Variants in PARD3 observed in about 807,000 individuals in gnomAD.
PARD3 encodes the protein par-3 family cell polarity regulator.
Under a neutral mutation model 155.4 loss-of-function variants are expected in PARD3, and 75 were observed. That is an observed-to-expected ratio of 0.48 (90% CI 0.40 to 0.58). The LOEUF (loss-of-function observed/expected upper bound fraction) is 0.58, where lower values mean the gene tolerates loss of function less well. Among genes scored for constraint, PARD3 ranks in the 20% least tolerant of loss-of-function variants. The pLI is 0.00. For missense variants in PARD3, 1,642 were observed against 1,721.7 expected (o/e 0.95, Z 0.82); for synonymous variants, 576 against 610.5 (o/e 0.94, Z 0.83).
intron 4 of PARD3, among the ~76,000 whole-genome samples, chr10:34,462,911 G>A (rs1480370269): frequency 2.8e-5 from 3 of 108,524 alleles, no homozygotes; most frequent in Non-Finnish European, 5.8e-5. Context: ...AGGGGGAGAG[G>A]AGGGGAGAGG....
In PARD3 at chr10:34,111,248, T is replaced by A; in HGVS notation, c.3983A>T (p.Asp1328Val). The A allele has an allele frequency of 6.2e-7, 1 of 1,612,778 alleles. No homozygotes were observed. The highest frequency in any genetic ancestry group is 8.5e-7 in the Non-Finnish European group (1 of 1,178,936). ...YAPPKGPFRQDVPPSPSQVAR... is the reference protein window; with the variant it reads ...YAPPKGPFRQVVPPSPSQVAR... ...AACCTGAGAAGGGGAGGGGGGCACA[T>A]CTTGCCGGAAGGGCCCCTTGGGAGG... Residue 1328 changes from aspartate (D) to valine (V), a missense_variant, in exon 25 of 25, where the codon GAT becomes GTT. Asp to Val is a radical substitution (Grantham distance 152, BLOSUM62 -3). Transcript: ENST00000374788.
chr10:34,432,332 G>GCACACACA (rs1284264665), intron 5 of PARD3, among the ~76,000 whole-genome samples: 3 of 70,910 alleles, frequency 4.2e-5, no homozygotes, highest in East Asian at 3.6e-4. Context: ...ATATACACGT[G>GCACACACA]CACATACACA....
At chr10:34,416,372 A>G (rs1051577530) in intron 5 of PARD3, among the ~76,000 whole-genome samples, 1 of 152,172 alleles carries the variant, frequency 6.6e-6, no homozygotes, top group African/African-American at 2.4e-5. Flanking sequence ...GTGACACTTC[A>G]CACCAACATA....
At chr10:34,292,568 A>G (rs1218592212) in intron 20 of PARD3, among the ~76,000 whole-genome samples, 1 of 152,198 alleles carries the variant, frequency 6.6e-6, no homozygotes, top group Admixed American at 6.5e-5. Flanking sequence ...AAGTTGGTGG[A>G]GTTTGGCAGA....
intron 1 of PARD3, among the ~76,000 whole-genome samples, chr10:34,776,116 C>T (rs946527346): frequency 4.6e-5 from 7 of 152,114 alleles, no homozygotes; most frequent in South Asian, 2.1e-4. Context: ...TGGAAAAGTA[C>T]GAAGCCAATA....
chr10:34,127,841 A>AATGT (rs60437496), intron 23 of PARD3, among the ~76,000 whole-genome samples: 39,273 of 151,960 alleles, frequency 0.26, 5,379 homozygotes, highest in Middle Eastern at 0.38. Context: ...CATAGTTAAG[A>AATGT]ATTTATCACA....
chr10:34,688,196 T>C (rs912289301), intron 2 of PARD3, among the ~76,000 whole-genome samples: 3 of 152,156 alleles, frequency 2.0e-5, no homozygotes, highest in Non-Finnish European at 2.9e-5. Context: ...CTCAGGTGAC[T>C]GGCCTGCGCA....
At chr10:34,284,593 A>G (rs540789793) in intron 20 of PARD3, among the ~76,000 whole-genome samples, 2 of 152,312 alleles carry the variant, frequency 1.3e-5, no homozygotes, top group East Asian at 3.9e-4. Context: ...AGGAAGAAAG[A>G]TCTGCATTGG....
At chr10:34,620,447 A>G (rs1280681705) in intron 2 of PARD3, among the ~76,000 whole-genome samples, 1 of 152,254 alleles carries the variant, frequency 6.6e-6, no homozygotes, top group African/African-American at 2.4e-5. Context: ...AAACCTTAAT[A>G]CATAAAAGAG....
intron 23 of PARD3, among the ~76,000 whole-genome samples, chr10:34,126,094 G>A (rs1412912345): frequency 1.3e-5 from 2 of 152,136 alleles, no homozygotes; most frequent in African/African-American, 4.8e-5. Context: ...TATTTATGTT[G>A]CACCTGGCAC....
intron 1 of PARD3, among the ~76,000 whole-genome samples, chr10:34,811,409 A>G (rs1221142446): frequency 3.3e-5 from 5 of 152,112 alleles, no homozygotes; most frequent in South Asian, 2.1e-4. Flanking sequence ...CTAGACCCCA[A>G]CTGCAGACCT....
chr10:34,222,079 C>G lies in PARD3; in HGVS notation c.3419+47578G>C, dbSNP rs540383102. On this transcript the variant is annotated intron_variant, in intron 22 of 24. Coordinates refer to ENST00000374788, the MANE Select transcript of PARD3 (RefSeq NM_001184785.2). ...ATAAAGATGAAAGGTAAAATTCATG[C>G]TAATGATTTAAAAGTTTATTTTATT... 6.2e-4 allele frequency among the ~76,000 whole-genome samples: 94 copies of G among 152,142 alleles called. 2 individuals carry two copies. The highest frequency in any genetic ancestry group is 6.2e-4 in the Non-Finnish European group (42 of 68,024).
chr10:34,724,996 T>A (rs2094675750), intron 1 of PARD3, among the ~76,000 whole-genome samples: 1 of 152,178 alleles, frequency 6.6e-6, no homozygotes, highest in Non-Finnish European at 1.5e-5. Flanking sequence ...TGGACATAGC[T>A]GGAGCAAATG....
At chr10:34,715,629 C>A (rs570339056) in intron 1 of PARD3, among the ~76,000 whole-genome samples, 1 of 152,194 alleles carries the variant, frequency 6.6e-6, no homozygotes, top group Non-Finnish European at 1.5e-5. Context: ...CCCAGTCCCC[C>A]CAAAGCACTT....
intron 22 of PARD3, among the ~76,000 whole-genome samples, chr10:34,178,399 C>G (rs2799455): frequency 6.6e-6 from 1 of 151,968 alleles, no homozygotes; most frequent in African/African-American, 2.4e-5. Context: ...CACTTTGCAC[C>G]ACAAAGACGG....
chr10:34,410,395 C>A (rs1203386950), intron 5 of PARD3, among the ~76,000 whole-genome samples: 2 of 151,640 alleles, frequency 1.3e-5, no homozygotes, highest in Non-Finnish European at 2.9e-5. Context: ...ATTAAAGAAA[C>A]AATTTTTAAT....
At chr10:34,308,094 T>C (rs1957503138) in intron 20 of PARD3, among the ~76,000 whole-genome samples, 1 of 150,884 alleles carries the variant, frequency 6.6e-6, no homozygotes, top group Non-Finnish European at 1.5e-5. Flanking sequence ...GAAAAGGCTC[T>C]AGTGGACCCG....
At chr10:34,501,544 G>T (rs933265330) in intron 3 of PARD3, among the ~76,000 whole-genome samples, 1 of 152,098 alleles carries the variant, frequency 6.6e-6, no homozygotes, top group African/African-American at 2.4e-5. Flanking sequence ...GATCATTACT[G>T]TTCATTACTT....
chr10:34,404,980 G>A (rs969929794), intron 5 of PARD3, among the ~76,000 whole-genome samples: 1 of 151,884 alleles, frequency 6.6e-6, no homozygotes, highest in Non-Finnish European at 1.5e-5. Context: ...GCTGAAGCAA[G>A]AAGCTTGAGC....
Sources: gnomAD v4.1 joint callset for allele counts (sites outside exome capture counted in the v4.1 genomes callset) on GRCh38, gnomAD v4.1.1 for gene constraint, MANE v1.5 for transcripts, NCBI Gene and HGNC (gene_info 2026-07-23, HGNC 2026-07-21) for gene names.